TACR1: variants seen among roughly 807,000 people sequenced by gnomAD.
TACR1 encodes the protein tachykinin receptor 1.
In TACR1, 25 loss-of-function variants were observed where a neutral mutation model predicts 35.8. That is an observed-to-expected ratio of 0.70 (90% CI 0.51 to 0.98). TACR1 has a LOEUF of 0.98. Ranked by LOEUF, TACR1 falls within the 50% of genes least tolerant of loss-of-function variation. The pLI is 0.00. For synonymous variants in TACR1, 195 were observed against 206.7 expected, an observed-to-expected ratio of 0.94 and a Z score of 0.48; for missense variants, 478 against 522.9, an observed-to-expected ratio of 0.91 and a Z score of 0.84.
chr2:75,051,238 T>A lies in TACR1; in HGVS notation c.932+13A>T, dbSNP rs780258815. On this transcript the variant is annotated intron_variant, in intron 4 of 4. Coordinates refer to ENST00000305249, the MANE Select transcript of TACR1 (RefSeq NM_001058.4). ...TGTGGCCCCTGGAGAGCTCATGGGG[T>A]TGGGATCCTCACCTGTCATTGAGGC... The A allele has an allele frequency of 1.2e-6, 2 of 1,613,944 alleles. No individual in the cohort carries two copies. The highest frequency in any genetic ancestry group is 1.7e-6 in the Non-Finnish European group (2 of 1,179,980).
At chr2:75,081,519 G>A (rs1673085880) in intron 2 of TACR1, among the ~76,000 whole-genome samples, 1 of 152,160 alleles carries the variant, frequency 6.6e-6, no homozygotes, top group Non-Finnish European at 1.5e-5. Flanking sequence ...TGCCTTAGGG[G>A]TAGCCAAAGG....
intron 1 of TACR1, among the ~76,000 whole-genome samples, chr2:75,195,719 A>G (rs1400120049): frequency 1.3e-5 from 2 of 152,170 alleles, no homozygotes. Context: ...TCCTTAGATT[A>G]TTAATTATAA....
At position 75,049,201 on chromosome 2, in the gene TACR1, C is replaced by T. The variant is rs1044129889; in HGVS notation, c.*231G>A. ...GGTCCGACCTTTTATTTTACAGGCT[C>T]AGCAAAGTTCAGTGATTTGGTTTGA... On this transcript the variant is annotated 3_prime_UTR_variant, in exon 5 of 5. Transcript: ENST00000305249. 8 of 526,794 alleles carry T rather than the reference C, an allele frequency of 1.5e-5. No individual in the cohort carries two copies. The highest frequency in any genetic ancestry group is 2.7e-5 in the Non-Finnish European group (8 of 301,624). The allele number at this position is 526,794 out of a possible 1,614,324, so 32.6% of individuals were successfully genotyped here. A position where few individuals can be genotyped will look rare whatever the true frequency, so the allele number is the denominator to read the frequency against.
intron 1 of TACR1, among the ~76,000 whole-genome samples, chr2:75,124,849 A>G (rs1031215305): frequency 1.3e-5 from 2 of 152,218 alleles, no homozygotes; most frequent in African/African-American, 4.8e-5. Context: ...AGATGGTGTG[A>G]TATTCAGAAA....
chr2:75,165,801 C>T (rs1675129199), intron 1 of TACR1, among the ~76,000 whole-genome samples: 1 of 152,124 alleles, frequency 6.6e-6, no homozygotes, highest in Non-Finnish European at 1.5e-5. Flanking sequence ...GACAAATGCC[C>T]AACAGTGGAG....
At chr2:75,137,944 G>A (rs1355347443) in intron 1 of TACR1, among the ~76,000 whole-genome samples, 1 of 152,100 alleles carries the variant, frequency 6.6e-6, no homozygotes, top group African/African-American at 2.4e-5. Context: ...TAAGCATATA[G>A]TGGTAGGCTT....
At position 75,120,594 on chromosome 2, in the gene TACR1, C is replaced by T. The variant is rs199842504; in HGVS notation, c.564G>A (p.Pro188=). 1.9e-5 allele frequency: 31 copies of T among 1,603,744 alleles called. No individual in the cohort carries two copies. Among genetic ancestry groups the T allele is most frequent in the Middle Eastern group, 1.7e-4 (1 of 6,036 alleles). ...CTCACACTTTCTCATAAATCTTGTT[C>T]GGATGCTCTGGCCATTCGATCATGC... The part of the protein sequence containing the change: ...VVCMIEWPEH[P]NKIYEKVYHI... The change falls in exon 2 of 5, where the codon CCG becomes CCA. Residue 188 remains proline, a synonymous_variant. Coordinates refer to ENST00000305249, the MANE Select transcript of TACR1 (RefSeq NM_001058.4).
intron 1 of TACR1, among the ~76,000 whole-genome samples, chr2:75,126,302 G>A (rs1311665136): frequency 6.6e-6 from 1 of 152,094 alleles, no homozygotes; most frequent in African/African-American, 2.4e-5. Context: ...TGGTGTATAT[G>A]TACCACATTT....
intron 2 of TACR1, among the ~76,000 whole-genome samples, chr2:75,094,859 A>ATTTTTTTTTTTTTTTT (rs58283121): frequency 8.8e-6 from 1 of 113,132 alleles, no homozygotes; most frequent in African/African-American, 4.8e-5. Context: ...ATATATATAT[A>ATTTTTTTTTTTTTTTT]TTTTTTTTTT....
At chr2:75,194,429 C>T (rs1325979475) in intron 1 of TACR1, among the ~76,000 whole-genome samples, 2 of 152,146 alleles carry the variant, frequency 1.3e-5, no homozygotes, top group Non-Finnish European at 2.9e-5. Context: ...TTTAATTCCC[C>T]CTCCAGGTGG....
At chr2:75,156,829 A>G (rs1674871226) in intron 1 of TACR1, among the ~76,000 whole-genome samples, 2 of 152,246 alleles carry the variant, frequency 1.3e-5, no homozygotes, top group African/African-American at 2.4e-5. Context: ...CTGTCTTTCT[A>G]CATTGGATTT....
chr2:75,065,086 G>A (rs930993854), intron 2 of TACR1, among the ~76,000 whole-genome samples: 1 of 152,188 alleles, frequency 6.6e-6, no homozygotes, highest in Non-Finnish European at 1.5e-5. Flanking sequence ...CAAGTCCTCC[G>A]GCCCCAGATA....
In TACR1 at chr2:75,105,750, C is replaced by T. The variant is rs116741734; in HGVS notation, c.584+14824G>A. On this transcript the variant is annotated intron_variant, in intron 2 of 4. Coordinates refer to ENST00000305249, the MANE Select transcript of TACR1 (RefSeq NM_001058.4). ...ATGAGGTGACAAGAATGGAACTCTA[C>T]CTCTGTTTTTTTCCCTAAAACATAT... 1.8e-3 allele frequency among the ~76,000 whole-genome samples: 280 copies of T among 152,036 alleles called. 1 individual carries two copies. Among genetic ancestry groups the T allele is most frequent in the African/African-American group, 6.5e-3 (271 of 41,524 alleles).
chr2:75,186,901 A>G (rs1420345936), intron 1 of TACR1: 1 of 152,248 alleles, frequency 6.6e-6, no homozygotes, highest in Non-Finnish European at 1.5e-5. Flanking sequence ...GAAGCAAGGA[A>G]TTTTTATCCA....
Position 75,127,889 on chromosome 2 carries a change from G to A in TACR1, c.390-7121C>T, listed in dbSNP as rs143103955. ...CTCTTTCAGGAAAACTTTTTCAATCGTTCAAAAATCTCTTGGAGATAATCA... is the reference window on the plus strand; with the variant it reads ...CTCTTTCAGGAAAACTTTTTCAATCATTCAAAAATCTCTTGGAGATAATCA... On this transcript the variant is annotated intron_variant, in intron 1 of 4. Coordinates refer to ENST00000305249, the MANE Select transcript of TACR1 (RefSeq NM_001058.4). Among the ~76,000 whole-genome samples, 4 of 152,098 alleles carry A rather than the reference G, an allele frequency of 2.6e-5. No homozygotes were observed. In the East Asian group the frequency reaches 5.8e-4, roughly 22 times the overall value.
chr2:75,159,579 A>C (rs1209250638), intron 1 of TACR1, among the ~76,000 whole-genome samples: 1 of 152,200 alleles, frequency 6.6e-6, no homozygotes, highest in African/African-American at 2.4e-5. Flanking sequence ...TTTTTAGTCA[A>C]TAAAGCTATG....
chr2:75,116,997 A>T (rs1041608869), intron 2 of TACR1, among the ~76,000 whole-genome samples: 3 of 152,126 alleles, frequency 2.0e-5, no homozygotes, highest in Non-Finnish European at 4.4e-5. Context: ...AGTTTGAAAC[A>T]CTTAGTTTTG....
intron 1 of TACR1, among the ~76,000 whole-genome samples, chr2:75,177,307 T>C (rs1422319053): frequency 2.0e-5 from 3 of 152,196 alleles, no homozygotes; most frequent in African/African-American, 7.2e-5. Flanking sequence ...TGTTCCTGTC[T>C]TCACGTTTGG....
chr2:75,198,509 G>C, intron 1 of TACR1, 37 bp downstream of exon 1: 1 of 1,600,378 alleles, frequency 6.2e-7, no homozygotes, highest in Non-Finnish European at 8.5e-7. Flanking sequence ...GGTCCTCTAT[G>C]AGCACTTTCT....
Sources: gnomAD v4.1 joint callset for allele counts (sites outside exome capture counted in the v4.1 genomes callset) on GRCh38, gnomAD v4.1.1 for gene constraint, MANE v1.5 for transcripts, NCBI Gene and HGNC (gene_info 2026-07-23, HGNC 2026-07-21) for gene names.